Variants in ZNF559 observed in about 807,000 individuals in gnomAD.
ZNF559 encodes the protein putative protein product of Nbla00121.
Under a neutral mutation model 14.2 loss-of-function variants are expected in ZNF559, and 17 were observed. The observed-to-expected ratio is 1.20, with a 90% CI of 0.82 to 1.80. The LOEUF is 1.80. ZNF559 is among the 40% of genes most tolerant of loss of function. The probability of loss-of-function intolerance (pLI) is 0.00; values close to 1 mark genes in which losing one functional copy is unlikely to be tolerated. For missense variants in ZNF559, 740 were observed against 629.7 expected (o/e 1.18, Z -1.88); for synonymous variants, 244 against 212.4 (o/e 1.15, Z -1.29).
rs2122329828 is a variant in ZNF559, at chr19:9,343,705, CTGTA to C, written c.*640_*643del. 3 of 986,634 alleles carry C rather than the reference CTGTA, an allele frequency of 3.0e-6. No homozygotes were observed. In the African/African-American group the frequency reaches 5.2e-5, roughly 17 times the overall value. The allele number at this position is 986,634 out of a possible 1,614,324, so 61.1% of individuals were successfully genotyped here. On this transcript the variant is annotated 3_prime_UTR_variant, in exon 7 of 7. Transcript: ENST00000603380. Reference sequence around the variant, plus strand: ...ACATCCACACTGAAGAGGAACCTGACTGTATGGAAGGTCAAAAAGGCTGTATTAA... The same window carrying C: ...ACATCCACACTGAAGAGGAACCTGACTGGAAGGTCAAAAAGGCTGTATTAA...
In ZNF559 at chr19:9,334,619, A is replaced by G. The variant is rs116939202; in HGVS notation, c.-119-3177A>G. ...GATTTAGATGTGTCATGTGTGCATC[A>G]AGGTGTAGAAATTAATGATGCATTA... On this transcript the variant is annotated intron_variant, in intron 2 of 6. Transcript: ENST00000603380. Among the ~76,000 whole-genome samples the G allele has an allele frequency of 5.4e-3, 820 of 152,346 alleles. 2 individuals are homozygous for G. The highest frequency in any genetic ancestry group is 7.8e-3 in the Non-Finnish European group (534 of 68,030).
At chr19:9,337,181 T>G (rs537850116) in intron 2 of ZNF559, among the ~76,000 whole-genome samples, 7 of 152,264 alleles carry the variant, frequency 4.6e-5, no homozygotes, top group Admixed American at 1.3e-4. Flanking sequence ...CTGAATGACT[T>G]CATACACTTA....
At chr19:9,334,380 A>G (rs2067108985) in intron 2 of ZNF559, among the ~76,000 whole-genome samples, 2 of 152,224 alleles carry the variant, frequency 1.3e-5, no homozygotes, top group Non-Finnish European at 2.9e-5. Context: ...TCAGATTTTC[A>G]GATTAGAGAT....
chr19:9,327,649 C>T (rs1197042717), intron 2 of ZNF559, among the ~76,000 whole-genome samples: 1 of 152,164 alleles, frequency 6.6e-6, no homozygotes, highest in Non-Finnish European at 1.5e-5. Context: ...GTTCTTTCTC[C>T]ATTCTTTAGC....
chr19:9,336,200 A>G (rs1424714233), intron 2 of ZNF559, among the ~76,000 whole-genome samples: 2 of 152,194 alleles, frequency 1.3e-5, no homozygotes, highest in East Asian at 1.9e-4. Context: ...GTCTGTAAAT[A>G]TACATTTATA....
rs376074172 is a variant in ZNF559 at position 9,342,827 on chromosome 19, A to G, written c.1376A>G (p.His459Arg). 6.2e-6 allele frequency: 10 copies of G among 1,614,040 alleles called. 1 individual carries two copies. The highest frequency in any genetic ancestry group is 3.3e-5 in the Admixed American group (2 of 60,004). ...SSHLSQHKRI[H>R]TGERPYKCQK... ...CACCTTAGTCAACATAAAAGAATACATACAGGGGAGAGGCCATATAAATGT... is the reference window on the plus strand; with the variant it reads ...CACCTTAGTCAACATAAAAGAATACGTACAGGGGAGAGGCCATATAAATGT... Residue 459 changes from histidine (H) to arginine (R), a missense_variant, in exon 7 of 7, where the codon CAT becomes CGT. Physicochemically the swap from His to Arg is conservative, Grantham distance 29. Coordinates refer to ENST00000603380, the MANE Select transcript of ZNF559 (RefSeq NM_032497.3).
Position 9,342,493 on chromosome 19 carries a change from A to G in ZNF559, c.1042A>G (p.Thr348Ala), listed in dbSNP as rs780385539. 6.2e-7 allele frequency: 1 copy of G among 1,614,224 alleles called. No individual in the cohort carries two copies. Among genetic ancestry groups the G allele is most frequent in the Admixed American group, 1.7e-5 (1 of 60,030 alleles). Residue 348 changes from threonine (T) to alanine (A), a missense_variant, in exon 7 of 7, where the codon ACT becomes GCT. Coordinates refer to ENST00000603380, the MANE Select transcript of ZNF559 (RefSeq NM_032497.3). ...SGLIKHRRTH[T>A]GEKPYECKEC... ...TCTTATAAAACACAGGCGAACTCACACTGGAGAAAAGCCTTATGAATGTAA... is the reference window on the plus strand; with the variant it reads ...TCTTATAAAACACAGGCGAACTCACGCTGGAGAAAAGCCTTATGAATGTAA...
Position 9,343,757 on chromosome 19 carries a change from A to G in ZNF559, c.*689A>G, listed in dbSNP as rs565832641. The G allele has an allele frequency of 1.2e-5, 12 of 985,834 alleles. No individual in the cohort carries two copies. The highest frequency in any genetic ancestry group is 1.1e-4 in the East Asian group (1 of 8,832). The allele number at this position is 985,834 out of a possible 1,614,324, so 61.1% of individuals were successfully genotyped here. On this transcript the variant is annotated 3_prime_UTR_variant, in exon 7 of 7. Transcript: ENST00000603380. ...TAATTTACATGCAAAAAGTCACACT[A>G]GAGGAATGCCATATCAGAATGCTTT... is the stretch of plus-strand genomic sequence containing the variant.
intron 2 of ZNF559, among the ~76,000 whole-genome samples, chr19:9,327,256 T>C (rs570260191): frequency 8.5e-4 from 115 of 136,026 alleles, no homozygotes; most frequent in Non-Finnish European, 1.2e-3. Flanking sequence ...TTTTTGTTTT[T>C]GTTTTTGTTT....
In ZNF559 at chr19:9,339,339, T is replaced by G. The variant is rs775637729; in HGVS notation, c.160+20T>G. 6.3e-7 allele frequency: 1 copy of G among 1,580,378 alleles called. No homozygotes were observed. Among genetic ancestry groups the G allele is most frequent in the Non-Finnish European group, 8.6e-7 (1 of 1,162,228 alleles). ...CAGTAGGTAAGGCTGGTACCATTCT[T>G]TTCATTTAGTTTTTTTCTGGAACAA... On this transcript the variant is annotated intron_variant, in intron 5 of 6. Transcript: ENST00000603380.
chr19:9,343,454 A>G lies in ZNF559; in HGVS notation c.*386A>G. 1 of 1,043,758 alleles carries G rather than the reference A, an allele frequency of 9.6e-7. No homozygotes were observed. The highest frequency in any genetic ancestry group is 1.2e-6 in the Non-Finnish European group (1 of 865,188). The allele number at this position is 1,043,758 out of a possible 1,614,324, so 64.7% of individuals were successfully genotyped here. A position where few individuals can be genotyped will look rare whatever the true frequency, so the allele number is the denominator to read the frequency against. ...CTGAGCTTGTGAGCACATTGGATAT[A>G]AATGCACGTCCTCTGGCTGTAAGGA... On this transcript the variant is annotated 3_prime_UTR_variant, in exon 7 of 7. Coordinates refer to ENST00000603380, the MANE Select transcript of ZNF559 (RefSeq NM_032497.3).
intron 5 of ZNF559, among the ~76,000 whole-genome samples, chr19:9,339,893 C>G (rs541475159): frequency 1.3e-5 from 2 of 150,578 alleles, no homozygotes; most frequent in African/African-American, 2.4e-5. Context: ...CTCAGCCTCC[C>G]GAGTAGCTGG....
intron 5 of ZNF559, 41 bp downstream of exon 5, chr19:9,339,360 A>G (rs1289351619): frequency 1.9e-6 from 3 of 1,566,272 alleles, no homozygotes; most frequent in Non-Finnish European, 2.6e-6. Context: ...TTTTTTCTGG[A>G]ACAAATGTGT....
rs1350724011 is a variant in ZNF559 at position 9,338,601 on chromosome 19, T to A, written c.33+19T>A. 1 of 1,582,752 alleles carries A rather than the reference T, an allele frequency of 6.3e-7. No individual in the cohort carries two copies. Among genetic ancestry groups the A allele is most frequent in the Admixed American group, 1.7e-5 (1 of 59,970 alleles). On this transcript the variant is annotated intron_variant, in intron 4 of 6. Transcript: ENST00000603380. Reference sequence around the variant, plus strand: ...CTCTCAGGTAAGTAGGAAATTGCTTTTTCTGTAGAAGCATATGCTTCTTCC... The same window carrying A: ...CTCTCAGGTAAGTAGGAAATTGCTTATTCTGTAGAAGCATATGCTTCTTCC...
intron 2 of ZNF559, among the ~76,000 whole-genome samples, chr19:9,329,457 T>C (rs1413420042): frequency 6.6e-6 from 1 of 152,224 alleles, no homozygotes; most frequent in African/African-American, 2.4e-5. Flanking sequence ...TTCTATATCC[T>C]TTTGATAAAT....
chr19:9,343,836 C>G lies in ZNF559; in HGVS notation c.*768C>G. The G allele has an allele frequency of 1.0e-6, 1 of 975,550 alleles. No homozygotes were observed. The highest frequency in any genetic ancestry group is 1.2e-6 in the Non-Finnish European group (1 of 823,874). 60.4% of individuals were successfully genotyped at this position (975,550 alleles called of 1,614,324 possible). A position where few individuals can be genotyped will look rare whatever the true frequency, so the allele number is the denominator to read the frequency against. On this transcript the variant is annotated 3_prime_UTR_variant, in exon 7 of 7. Transcript: ENST00000603380. Reference sequence around the variant, plus strand: ...ATATATCATTAATAAAAATATCTAGCTGGTCTGAAGATCCTGAGTTATCTC... The same window carrying G: ...ATATATCATTAATAAAAATATCTAGGTGGTCTGAAGATCCTGAGTTATCTC...
chr19:9,330,407 C>T (rs1024362328), intron 2 of ZNF559, among the ~76,000 whole-genome samples: 5 of 152,120 alleles, frequency 3.3e-5, no homozygotes, highest in African/African-American at 7.2e-5. Flanking sequence ...AGGCTTTCTA[C>T]TCATTTCTCT....
rs1237918116 is a variant in ZNF559, at chr19:9,342,931, GA to G, written c.1482del (p.Glu494AspfsTer19). ...MRTHTGERPF[E>X]CQECGKAFTR... ...AACTCACACTGGTGAACGGCCCTTT[GA>G]ATGTCAGGAATGTGGGAAAGCCTTT... On this transcript the variant is annotated frameshift_variant, in exon 7 of 7. Transcript: ENST00000603380. LOFTEE classifies it low-confidence loss of function (END_TRUNC). 3 of 1,614,202 alleles carry G rather than the reference GA, an allele frequency of 1.9e-6. No individual in the cohort carries two copies. Among genetic ancestry groups the G allele is most frequent in the Non-Finnish European group, 2.5e-6 (3 of 1,180,034 alleles).
intron 2 of ZNF559, among the ~76,000 whole-genome samples, chr19:9,330,757 A>G (rs1024558031): frequency 2.6e-5 from 4 of 152,122 alleles, no homozygotes; most frequent in African/African-American, 9.7e-5. Context: ...GATCTTTAAG[A>G]TGATTGTTAT....
Sources: gnomAD v4.1 joint callset for allele counts (sites outside exome capture counted in the v4.1 genomes callset) on GRCh38, gnomAD v4.1.1 for gene constraint, MANE v1.5 for transcripts, NCBI Gene and HGNC (gene_info 2026-07-23, HGNC 2026-07-21) for gene names.